The following AUTS2 variants were observed in gnomAD, a reference collection of about 807,000 sequenced individuals.
AUTS2 encodes the protein autism susceptibility gene 2 protein.
In AUTS2, 17 loss-of-function variants were observed where a neutral mutation model predicts 112.4. The ratio of observed to expected loss-of-function variants is 0.15; its 90% CI spans 0.10 to 0.23. The LOEUF (loss-of-function observed/expected upper bound fraction) is 0.23. AUTS2 is among the 10% of genes least tolerant of loss of function. The pLI is 1.00. For missense variants in AUTS2, 1,510 were observed against 1,701.6 expected, an observed-to-expected ratio of 0.89 and a Z score of 1.98; for synonymous variants, 751 against 702.7, an observed-to-expected ratio of 1.07 and a Z score of -1.09.
intron 1 of AUTS2, among the ~76,000 whole-genome samples, chr7:69,610,208 T>C (rs1792954017): frequency 6.6e-6 from 1 of 152,246 alleles, no homozygotes; most frequent in Admixed American, 6.5e-5. Context: ...GTCCTATAAA[T>C]AACACATGCG....
chr7:69,956,254 G>A (rs912383744), intron 2 of AUTS2, among the ~76,000 whole-genome samples: 2 of 151,910 alleles, frequency 1.3e-5, no homozygotes, highest in African/African-American at 4.8e-5. Flanking sequence ...AACATTTTTT[G>A]TCCCAGCTCA....
chr7:70,234,060 A>C (rs905841738), intron 4 of AUTS2, among the ~76,000 whole-genome samples: 5 of 152,214 alleles, frequency 3.3e-5, no homozygotes, highest in Admixed American at 2.6e-4. Flanking sequence ...TTGTGATGTC[A>C]TGGTTTTATT....
intron 5 of AUTS2, among the ~76,000 whole-genome samples, chr7:70,647,264 G>A (rs1161425151): frequency 6.6e-6 from 1 of 152,152 alleles, no homozygotes; most frequent in African/African-American, 2.4e-5. Flanking sequence ...TCCACACAGC[G>A]AAAAACACTA....
intron 1 of AUTS2, among the ~76,000 whole-genome samples, chr7:69,765,581 T>C (rs1788384046): frequency 6.6e-6 from 1 of 151,962 alleles, no homozygotes; most frequent in African/African-American, 2.4e-5. Flanking sequence ...CCTCCCAAAA[T>C]GTTGGGATCA....
chr7:69,942,984 G>C (rs1485054304), intron 2 of AUTS2, among the ~76,000 whole-genome samples: 1 of 152,088 alleles, frequency 6.6e-6, no homozygotes, highest in Non-Finnish European at 1.5e-5. Context: ...CTTTAAATCG[G>C]GACCATATGT....
chr7:70,581,856 T>G (rs1419177407), intron 5 of AUTS2, among the ~76,000 whole-genome samples: 1 of 152,232 alleles, frequency 6.6e-6, no homozygotes, highest in Non-Finnish European at 1.5e-5. Flanking sequence ...CATTTTGTAT[T>G]GTTCACACAG....
At chr7:69,770,742 C>T (rs1788626294) in intron 1 of AUTS2, among the ~76,000 whole-genome samples, 1 of 152,148 alleles carries the variant, frequency 6.6e-6, no homozygotes, top group South Asian at 2.1e-4. Flanking sequence ...ATTTCCCCCT[C>T]CAGGCCAGTA....
intron 5 of AUTS2, among the ~76,000 whole-genome samples, chr7:70,455,346 C>T (rs1030919570): frequency 6.6e-6 from 1 of 152,146 alleles, no homozygotes; most frequent in Non-Finnish European, 1.5e-5. Flanking sequence ...TTGGGTGCTA[C>T]AGGTGGCAAT....
At chr7:70,290,480 C>G in intron 4 of AUTS2, 1 of 1,540,118 alleles carries the variant, frequency 6.5e-7, no homozygotes, top group South Asian at 1.2e-5. Flanking sequence ...AGTTTCTTTT[C>G]TCTCGTCAAA....
intron 2 of AUTS2, among the ~76,000 whole-genome samples, chr7:69,992,821 G>C (rs1401580973): frequency 6.6e-6 from 1 of 152,154 alleles, no homozygotes; most frequent in African/African-American, 2.4e-5. Flanking sequence ...GGAGTTGAAG[G>C]CTGCAGTAAG....
intron 4 of AUTS2, among the ~76,000 whole-genome samples, chr7:70,244,962 A>C (rs965310815): frequency 2.0e-5 from 3 of 151,798 alleles, no homozygotes; most frequent in African/African-American, 4.8e-5. Flanking sequence ...TCTACTAAAA[A>C]TACAAAAATT....
intron 6 of AUTS2, among the ~76,000 whole-genome samples, chr7:70,701,809 G>T (rs1218993171): frequency 1.3e-5 from 2 of 152,158 alleles, no homozygotes; most frequent in Non-Finnish European, 2.9e-5. Context: ...ATGTTTACAG[G>T]ATGTTCATGT....
chr7:70,416,848 C>T (rs528176458), intron 4 of AUTS2, among the ~76,000 whole-genome samples: 1 of 152,210 alleles, frequency 6.6e-6, no homozygotes, highest in African/African-American at 2.4e-5. Context: ...TCCTCTGACA[C>T]ACACACTCTG....
At chr7:70,781,942 C>T in intron 15 of AUTS2, 186 bp downstream of exon 15, 1 of 669,498 alleles carries the variant, frequency 1.5e-6, no homozygotes, top group Non-Finnish European at 2.4e-6. Flanking sequence ...CACTCTCTTT[C>T]ATTAAAGGAG....
At chr7:69,813,434 T>C (rs1790630288) in intron 1 of AUTS2, among the ~76,000 whole-genome samples, 1 of 152,110 alleles carries the variant, frequency 6.6e-6, no homozygotes, top group African/African-American at 2.4e-5. Flanking sequence ...GGCTCTGGAG[T>C]TGGAGCAGTT....
chr7:70,103,539 A>G (rs1396795710), intron 2 of AUTS2, among the ~76,000 whole-genome samples: 4 of 152,208 alleles, frequency 2.6e-5, no homozygotes, highest in African/African-American at 7.2e-5. Flanking sequence ...TAAAGGGGAT[A>G]CATTAAAATT....
In AUTS2 at chr7:70,765,028, C is replaced by A. The variant is rs116591851; in HGVS notation, c.1468+23C>A. 4,507 of 1,612,430 alleles carry A rather than the reference C, an allele frequency of 2.8e-3. 98 individuals are homozygous for A. The African/African-American group carries it at 0.053, about 19-fold the overall frequency. ...CAGGTAGGACGGAGGGGCCTGTGCT[C>A]GTGACCCCGACCCCCACCGCCCCTC... On this transcript the variant is annotated intron_variant, in intron 8 of 18. Transcript: ENST00000342771.
chr7:70,511,513 CATA>C (rs1251163955), intron 5 of AUTS2, among the ~76,000 whole-genome samples: 1 of 145,976 alleles, frequency 6.9e-6, no homozygotes, highest in East Asian at 2.1e-4. Context: ...TTTGTCCTGT[CATA>C]ATTTTTTATT....
intron 4 of AUTS2, among the ~76,000 whole-genome samples, chr7:70,264,093 A>AT (rs1211903027): frequency 6.6e-6 from 1 of 152,158 alleles, no homozygotes; most frequent in African/African-American, 2.4e-5. Flanking sequence ...TCTCAATTCT[A>AT]TTATGTTGGA....
Sources: gnomAD v4.1 joint callset for allele counts (sites outside exome capture counted in the v4.1 genomes callset) on GRCh38, gnomAD v4.1.1 for gene constraint, MANE v1.5 for transcripts, NCBI Gene and HGNC (gene_info 2026-07-23, HGNC 2026-07-21) for gene names.